Variants in TTN observed in about 807,000 individuals in gnomAD.
TTN encodes connectin.
A neutral mutation model predicts 3,223.0 loss-of-function variants in TTN; 1,525 were observed. That is an observed-to-expected ratio of 0.47 (90% confidence interval 0.45 to 0.49). The LOEUF (loss-of-function observed/expected upper bound fraction) is 0.49. TTN is among the 20% of genes least tolerant of loss of function. TTN has a pLI of 0.00. For missense variants in TTN, 40,786 were observed against 43,424.0 expected, an observed-to-expected ratio of 0.94 and a Z score of 5.40; for synonymous variants, 14,094 against 15,161.0, an observed-to-expected ratio of 0.93 and a Z score of 5.17.
rs2092215067 is a variant in TTN at position 178,776,274 on chromosome 2, C to T, written c.5590G>A (p.Val1864Ile). The T allele has an allele frequency of 6.2e-7, 1 of 1,614,118 alleles. No individual in the cohort carries two copies. Among genetic ancestry groups the T allele is most frequent in the South Asian group, 1.1e-5 (1 of 91,086 alleles). The change falls in exon 28 of 363, where the codon GTA (valine) becomes ATA (isoleucine). Residue 1864 changes from valine (V) to isoleucine (I), a missense_variant. Coordinates refer to ENST00000589042, the MANE Select transcript of TTN (RefSeq NM_001267550.2). ...ACTTTGGGCTGAGGGTAGCCTGTTACCCTGCAGCGGAACCTTGCAGTCTCC... is the reference window on the plus strand; with the variant it reads ...ACTTTGGGCTGAGGGTAGCCTGTTATCCTGCAGCGGAACCTTGCAGTCTCC... ...EGETARFRCRVTGYPQPKVNW... is the reference protein window; with the variant it reads ...EGETARFRCRITGYPQPKVNW...
chr2:178,732,948 C>A lies in TTN; in HGVS notation c.16228G>T (p.Gly5410Cys). The A allele has an allele frequency of 6.2e-7, 1 of 1,613,612 alleles. No homozygotes were observed. The highest frequency in any genetic ancestry group is 8.5e-7 in the Non-Finnish European group (1 of 1,179,738). Residue 5410 changes from glycine to cysteine, a missense_variant, in exon 55 of 363, where the codon GGC (glycine) becomes TGC (cysteine). Transcript: ENST00000589042. ...SDRYRIAFVE[G>C]TASLEIIRVD... Reference sequence around the variant, plus strand: ...CTGATGATCTCCAAAGAGGCTGTGCCTTCCACAAATGCTATCCTGTATCTG... The same window carrying A: ...CTGATGATCTCCAAAGAGGCTGTGCATTCCACAAATGCTATCCTGTATCTG...
rs751194131 is a variant in TTN at position 178,590,524 on chromosome 2, T to C, written c.61201A>G (p.Ser20401Gly). The C allele has an allele frequency of 3.1e-6, 5 of 1,613,068 alleles. No individual in the cohort carries two copies. The highest frequency in any genetic ancestry group is 4.2e-6 in the Non-Finnish European group (5 of 1,179,366). The change falls in exon 304 of 363, where the codon AGC (serine) becomes GGC (glycine). Residue 20401 changes from serine (S) to glycine (G), a missense_variant. By Grantham distance (56) the Ser-to-Gly change is moderately conservative. Transcript: ENST00000589042. ...TCCACTACATATCCTAGAATGGGGC[T>C]ACCACCATCACTGAGAGGCTTTGTC... The part of the protein sequence containing the change: ...VWTKPLSDGG[S>G]PILGYVVECQ...
In TTN at chr2:178,713,135, G is replaced by A. The variant is rs752994608; in HGVS notation, c.26999C>T (p.Ala9000Val). Residue 9000 changes from alanine (A) to valine (V), a missense_variant, in exon 93 of 363, where the codon GCT (alanine) becomes GTT (valine). Ala to Val is a moderately conservative substitution (Grantham distance 64). Coordinates refer to ENST00000589042, the MANE Select transcript of TTN (RefSeq NM_001267550.2). ...ESDSGDYTCIATNMAGSDECS... is the reference protein window; with the variant it reads ...ESDSGDYTCIVTNMAGSDECS... ...TTCATCAGAACCAGCCATATTAGTA[G>A]CTATACATGTGTAGTCACCACTGTC... 4.3e-6 allele frequency: 7 copies of A among 1,613,742 alleles called. No individual in the cohort carries two copies. The highest frequency in any genetic ancestry group is 5.9e-6 in the Non-Finnish European group (7 of 1,179,756).
chr2:178,572,660 C>A lies in TTN; in HGVS notation c.73472G>T (p.Arg24491Ile). The change falls in exon 326 of 363, where the codon AGA (arginine) becomes ATA (isoleucine). Residue 24491 changes from arginine to isoleucine, a missense_variant. Transcript: ENST00000589042. ...YTLLIVGNVNRFDSGKYILTV... is the reference protein window; with the variant it reads ...YTLLIVGNVNIFDSGKYILTV... ...TAGTATATATTTGCCACTGTCAAAT[C>A]TGTTTACATTTCCAACAATAAGCAG... 1.9e-6 allele frequency: 3 copies of A among 1,613,018 alleles called. No homozygotes were observed. Among genetic ancestry groups the A allele is most frequent in the Middle Eastern group, 1.7e-4 (1 of 6,048 alleles).
In TTN at chr2:178,553,419, T is replaced by A. The variant is rs371361099; in HGVS notation, c.89504-23A>T. The A allele has an allele frequency of 3.0e-5, 47 of 1,574,156 alleles. No individual in the cohort carries two copies. In the Middle Eastern group the frequency reaches 6.8e-4, roughly 23 times the overall value. The stretch of plus-strand genomic sequence containing the variant: ...CCTCTGTAGACATAAAATGGATACA[T>A]ACAGTGAATTTTAAAAGCAAAAAAG... On this transcript the variant is annotated intron_variant, in intron 334 of 362. Transcript: ENST00000589042.
chr2:178,548,534 C>T lies in TTN; in HGVS notation c.93092G>A (p.Gly31031Glu), dbSNP rs780711664. 4 of 1,613,734 alleles carry T rather than the reference C, an allele frequency of 2.5e-6. No individual in the cohort carries two copies. The East Asian group carries it at 6.7e-5, about 27-fold the overall frequency. Residue 31031 changes from glycine to glutamate, a missense_variant, in exon 339 of 363, where the codon GGA (glycine) becomes GAA (glutamate). By Grantham distance (98) the Gly-to-Glu change is moderately conservative. Coordinates refer to ENST00000589042, the MANE Select transcript of TTN (RefSeq NM_001267550.2). This position sits in a 1 kb window ranked among gnomAD's most constrained non-coding sequence, Gnocchi z 4.3. Reference sequence around the variant, plus strand: ...GGCATCCCACATCAATGTAGCAGATCCCCGGGTCACATCTTTGAAGGTAAT... The same window carrying T: ...GGCATCCCACATCAATGTAGCAGATTCCCGGGTCACATCTTTGAAGGTAAT... ...GPITFKDVTR[G>E]SATLMWDAPL...
At chr2:178,558,297 T>C (rs764266511) in intron 327 of TTN, 44 bp downstream of exon 327, 1 of 1,592,618 alleles carries the variant, frequency 6.3e-7, no homozygotes, top group Non-Finnish European at 8.5e-7. Context: ...CATAAATCAA[T>C]GCAAATAATT....
At chr2:178,746,801 A>G in intron 47 of TTN, 1 of 1,613,348 alleles carries the variant, frequency 6.2e-7, no homozygotes, top group Non-Finnish European at 8.5e-7. Context: ...AATGAAGCCT[A>G]GTGTTGTGTT....
rs752281305 is a variant in TTN at position 178,802,623 on chromosome 2, G to T, written c.92-282C>A. Among the ~76,000 whole-genome samples the T allele has an allele frequency of 1.1e-3, 173 of 152,264 alleles. 2 individuals carry two copies. Among genetic ancestry groups the T allele is most frequent in the Admixed American group, 2.4e-3 (37 of 15,304 alleles). ...GAGGGGACTAGAATTTCCATCTCCTGCCTGCCTGCCTAGGGCTCTATCTGA... is the reference window on the plus strand; with the variant it reads ...GAGGGGACTAGAATTTCCATCTCCTTCCTGCCTGCCTAGGGCTCTATCTGA... On this transcript the variant is annotated intron_variant, in intron 2 of 362. Coordinates refer to ENST00000589042, the MANE Select transcript of TTN (RefSeq NM_001267550.2).
At position 178,579,900 on chromosome 2, in the gene TTN, T is replaced by A. The variant is rs772366867; in HGVS notation, c.67348+39A>T. 4.3e-6 allele frequency: 7 copies of A among 1,612,300 alleles called. No homozygotes were observed. The African/African-American group carries it at 9.4e-5, about 22-fold the overall frequency. Reference sequence around the variant, plus strand: ...TAAGCCCCATATAACAAAGGAAGGATATAACTCAAAATGATGGGATGATGG... The same window carrying A: ...TAAGCCCCATATAACAAAGGAAGGAAATAACTCAAAATGATGGGATGATGG... On this transcript the variant is annotated intron_variant, in intron 318 of 362. Transcript: ENST00000589042.
chr2:178,768,566 C>T (rs894693260), intron 38 of TTN, 107 bp downstream of exon 38: 34 of 1,496,356 alleles, frequency 2.3e-5, no homozygotes, highest in Non-Finnish European at 3.0e-5. Context: ...GATATCCCAT[C>T]GTATGGCTAT....
chr2:178,741,871 C>T lies in TTN; in HGVS notation c.11362G>A (p.Glu3788Lys), dbSNP rs540469851. ...TCATTTATTTTAGATAATTGAAGTT[C>T]GGCGCTATGAAGTCCTTCTTCCTCG... The part of the protein sequence containing the change: ...SAEEEGLHSA[E>K]LQLSKINETL... Residue 3788 changes from glutamate to lysine, a missense_variant, in exon 48 of 363, where the codon GAA becomes AAA. Coordinates refer to ENST00000589042, the MANE Select transcript of TTN (RefSeq NM_001267550.2). The T allele has an allele frequency of 2.3e-5, 37 of 1,581,524 alleles. No individual in the cohort carries two copies. Among genetic ancestry groups the T allele is most frequent in the Admixed American group, 2.0e-4 (11 of 54,080 alleles).
intron 6 of TTN, 64 bp downstream of exon 6, chr2:178,799,423 C>T (rs1159492748): frequency 9.3e-6 from 15 of 1,611,488 alleles, no homozygotes; most frequent in Middle Eastern, 2.1e-4. Flanking sequence ...ACAAGGGAAT[C>T]TTTCTCGTTT....
chr2:178,565,850 T>G lies in TTN; in HGVS notation c.80282A>C (p.Asn26761Thr), dbSNP rs1187490566. The part of the protein sequence containing the change: ...AIYYFRVMAE[N>T]EFGVGVPVET... ...CACTGGAACACCAACTCCAAATTCATTTTCAGCCATGACTCTGAAGTAATA... is the reference window on the plus strand; with the variant it reads ...CACTGGAACACCAACTCCAAATTCAGTTTCAGCCATGACTCTGAAGTAATA... The change falls in exon 326 of 363, where the codon AAT (asparagine) becomes ACT (threonine). Residue 26761 changes from asparagine (N) to threonine (T), a missense_variant. Transcript: ENST00000589042. 1 of 1,613,636 alleles carries G rather than the reference T, an allele frequency of 6.2e-7. No individual in the cohort carries two copies. The highest frequency in any genetic ancestry group is 1.3e-5 in the African/African-American group (1 of 75,026).
rs2074898450 is a variant in TTN, at chr2:178,701,153, C to T, written c.30649G>A (p.Glu10217Lys). The T allele has an allele frequency of 1.9e-6, 3 of 1,613,506 alleles. No individual in the cohort carries two copies. Among genetic ancestry groups the T allele is most frequent in the East Asian group, 2.2e-5 (1 of 44,846 alleles). ...PPIPLLLPTP[E>K]EKKPPPKRIE... is the part of the protein sequence containing the mutation. The stretch of plus-strand genomic sequence containing the variant: ...CGTTTTGGTGGTGGTTTCTTTTCTT[C>T]GGGTGTTGGTAGCAAAAGGGGGATA... Residue 10217 changes from glutamate (E) to lysine (K), a missense_variant, in exon 111 of 363, where the codon GAA becomes AAA. By Grantham distance (56) the Glu-to-Lys change is moderately conservative (BLOSUM62 1). Transcript: ENST00000589042.
In TTN at chr2:178,704,425, C is replaced by T. The variant is rs1165268535; in HGVS notation, c.29963-18G>A. 6.2e-7 allele frequency: 1 copy of T among 1,608,090 alleles called. No homozygotes were observed. The highest frequency in any genetic ancestry group is 8.5e-7 in the Non-Finnish European group (1 of 1,176,096). On this transcript the variant is annotated intron_variant, in intron 105 of 362. Transcript: ENST00000589042. ...TGCAGGCTCTGTTCATGTGATACAA[C>T]ACGCATTTTGTTCAATATCACACGC...
intron 223 of TTN, among the ~76,000 whole-genome samples, 168 bp from the exon 224 acceptor site, chr2:178,637,587 T>G (rs1415663903): frequency 3.3e-5 from 5 of 152,070 alleles, no homozygotes; most frequent in Non-Finnish European, 7.4e-5. Flanking sequence ...GGAAGGCATA[T>G]TCTGAGACTG....
At chr2:178,800,772 C>T in intron 3 of TTN, 90 bp from the exon 4 acceptor site, 2 of 1,412,792 alleles carry the variant, frequency 1.4e-6, no homozygotes, top group Non-Finnish European at 1.9e-6. Context: ...ATTCCAAAAC[C>T]AGGTGATGAC....
chr2:178,550,239 A>G lies in TTN; in HGVS notation c.91599T>C (p.Phe30533=). ...PPIVEFGPEY[F]DGLIIKSGES... ...CTCCGGACTTAATAATGAGACCATC[A>G]AAGTATTCAGGGCCAAACTCTACTA... is the stretch of plus-strand genomic sequence containing the variant. The change falls in exon 337 of 363, where the codon TTT becomes TTC. Residue 30533 remains phenylalanine (F), a synonymous_variant. Coordinates refer to ENST00000589042, the MANE Select transcript of TTN (RefSeq NM_001267550.2). 5.6e-6 allele frequency: 9 copies of G among 1,613,340 alleles called. No homozygotes were observed. The highest frequency in any genetic ancestry group is 7.6e-6 in the Non-Finnish European group (9 of 1,179,520).
Sources: allele counts gnomAD v4.1 joint callset (sites outside exome capture counted in the v4.1 genomes callset), GRCh38; gene constraint gnomAD v4.1.1; non-coding constraint Gnocchi (gnomAD v3.1); transcripts MANE v1.5; gene names NCBI Gene and HGNC (gene_info 2026-07-23, HGNC 2026-07-21).